HEATR5A: variants seen among roughly 807,000 people sequenced by gnomAD.
The protein encoded by HEATR5A is HEAT repeat-containing protein 5A.
Under a neutral mutation model 218.8 loss-of-function variants are expected in HEATR5A, and 178 were observed. That is an observed-to-expected ratio of 0.81 (90% CI 0.72 to 0.92). The LOEUF (loss-of-function observed/expected upper bound fraction) is 0.92. Among genes scored for constraint, HEATR5A ranks in the 40% least tolerant of loss-of-function variants. HEATR5A has a pLI of 0.00. For synonymous variants in HEATR5A, 864 were observed against 871.6 expected (o/e 0.99, Z 0.15); for missense variants, 2,420 against 2,418.9 (o/e 1.00, Z -0.01).
At chr14:31,365,078 T>C (rs996645444) in intron 13 of HEATR5A, among the ~76,000 whole-genome samples, 4 of 151,060 alleles carry the variant, frequency 2.6e-5, no homozygotes, top group African/African-American at 7.3e-5. Flanking sequence ...TTTTACCATA[T>C]TGGCCAGGGT....
In HEATR5A at chr14:31,394,245, A is replaced by T; in HGVS notation, c.598-19T>A. The T allele has an allele frequency of 7.1e-7, 1 of 1,414,192 alleles. No individual in the cohort carries two copies. Among genetic ancestry groups the T allele is most frequent in the East Asian group, 2.6e-5 (1 of 38,070 alleles). 87.6% of individuals were successfully genotyped at this position (1,414,192 alleles called of 1,614,324 possible). On this transcript the variant is annotated intron_variant, in intron 5 of 35. Transcript: ENST00000543095. ...GGAGACACTATTCAATTGGACAAAG[A>T]GAAATTAATGAAAAATAAAATACAA... is the stretch of plus-strand genomic sequence containing the variant.
Position 31,347,892 on chromosome 14 carries a change from C to T in HEATR5A, c.2724G>A (p.Arg908=). 4.0e-6 allele frequency: 6 copies of T among 1,512,976 alleles called. No individual in the cohort carries two copies. The highest frequency in any genetic ancestry group is 5.3e-6 in the Non-Finnish European group (6 of 1,134,222). 93.7% of individuals were successfully genotyped at this position (1,512,976 alleles called of 1,614,324 possible). Residue 908 remains arginine (R), a synonymous_variant, in exon 19 of 36, where the codon AGG becomes AGA. Transcript: ENST00000543095. ...QVSFDKLKSA[R]DVVTRTGHSL... ...AGTGTCCTGTTCTGGTAACCACATC[C>T]CTTGCTGATTTCAATCTGTAAATAT...
chr14:31,370,631 G>T (rs927317495), intron 13 of HEATR5A, among the ~76,000 whole-genome samples: 1 of 152,126 alleles, frequency 6.6e-6, no homozygotes, highest in Admixed American at 6.6e-5. Context: ...AGTACAAATG[G>T]TCACATTATT....
intron 1 of HEATR5A, among the ~76,000 whole-genome samples, chr14:31,408,459 T>G (rs1049484628): frequency 1.3e-5 from 2 of 152,186 alleles, no homozygotes; most frequent in Non-Finnish European, 2.9e-5. Context: ...ATAATGCCTT[T>G]CTAGATGTCC....
intron 10 of HEATR5A, among the ~76,000 whole-genome samples, chr14:31,383,073 T>C (rs544437136): frequency 6.6e-6 from 1 of 152,162 alleles, no homozygotes; most frequent in South Asian, 2.1e-4. Context: ...ATCATTGCTT[T>C]TAGGCCTTTT....
At position 31,358,540 on chromosome 14, in the gene HEATR5A, T is replaced by C. The variant is rs538792876; in HGVS notation, c.2411+97A>G. ...CTTATATTTCACCTTCACCTGTTATTTATAAGAAATCATTTACGCTAATGA... is the reference window on the plus strand; with the variant it reads ...CTTATATTTCACCTTCACCTGTTATCTATAAGAAATCATTTACGCTAATGA... On this transcript the variant is annotated intron_variant, in intron 16 of 35. Coordinates refer to ENST00000543095, the MANE Select transcript of HEATR5A (RefSeq NM_015473.4). 1,394 of 1,082,516 alleles carry C rather than the reference T, an allele frequency of 1.3e-3. 1 individual carries two copies. The highest frequency in any genetic ancestry group is 5.7e-3 in the Middle Eastern group (27 of 4,726). The allele number at this position is 1,082,516 out of a possible 1,614,324, so 67.1% of individuals were successfully genotyped here.
At chr14:31,414,160 T>C (rs979656745) in intron 1 of HEATR5A, among the ~76,000 whole-genome samples, 4 of 152,220 alleles carry the variant, frequency 2.6e-5, no homozygotes, top group African/African-American at 7.2e-5. Context: ...TTCTGGACCT[T>C]TAGGAATGCC....
chr14:31,369,383 C>A (rs1901932598), intron 13 of HEATR5A, among the ~76,000 whole-genome samples: 1 of 151,660 alleles, frequency 6.6e-6, no homozygotes, highest in African/African-American at 2.4e-5. Context: ...GAGGCTGAGG[C>A]CGGCAGATCA....
rs55998911 is a variant in HEATR5A, at chr14:31,339,449, C to CAA, written c.3229-1837_3229-1836dup. Among the ~76,000 whole-genome samples the CAA allele has an allele frequency of 2.5e-3, 165 of 67,316 alleles. 2 individuals carry two copies. Among genetic ancestry groups the CAA allele is most frequent in the East Asian group, 0.013 (27 of 2,094 alleles). The allele number at this position is 67,316 out of a possible 152,430, so 44.2% of individuals were successfully genotyped here. On this transcript the variant is annotated intron_variant, in intron 21 of 35. Coordinates refer to ENST00000543095, the MANE Select transcript of HEATR5A (RefSeq NM_015473.4). ...TGGGTGACAGAGTGAAACTGTGTCT[C>CAA]AAAAAAAAAAAAAAAAAAAAAAAAA...
chr14:31,397,658 C>CA (rs537734132), intron 4 of HEATR5A, among the ~76,000 whole-genome samples: 2,667 of 75,546 alleles, frequency 0.035, 60 homozygotes, highest in East Asian at 0.11. Flanking sequence ...GACTCCGTCT[C>CA]AAAAAAAAAA....
intron 14 of HEATR5A, among the ~76,000 whole-genome samples, chr14:31,363,885 T>C (rs761782249): frequency 3.9e-5 from 6 of 151,942 alleles, no homozygotes; most frequent in Non-Finnish European, 8.8e-5. Context: ...GAGGCTGAGG[T>C]TGGAGGGTCA....
At position 31,293,311 on chromosome 14, in the gene HEATR5A, G is replaced by T. The variant is rs1227265548; in HGVS notation, c.6135C>A (p.Phe2045Leu). Residue 2045 changes from phenylalanine to leucine, a missense_variant, in exon 36 of 36, where the codon TTC becomes TTA. Transcript: ENST00000543095. The stretch of plus-strand genomic sequence containing the variant: ...TACTATTCCAAAAAAAAAATCAGAG[G>T]AAACTGGTCTTTAATTGGATGCTTG... ...KNSSIQLKTS[F>L]L The T allele has an allele frequency of 6.3e-7, 1 of 1,578,780 alleles. No homozygotes were observed. Among genetic ancestry groups the T allele is most frequent in the Non-Finnish European group, 8.6e-7 (1 of 1,168,266 alleles).
intron 22 of HEATR5A, among the ~76,000 whole-genome samples, chr14:31,336,431 C>T (rs560582682): frequency 6.6e-6 from 1 of 151,558 alleles, no homozygotes; most frequent in Admixed American, 6.6e-5. Context: ...TAAAACAGTC[C>T]TCTCGCCTTA....
At chr14:31,368,219 G>C (rs1488599472) in intron 13 of HEATR5A, among the ~76,000 whole-genome samples, 1 of 152,030 alleles carries the variant, frequency 6.6e-6, no homozygotes, top group African/African-American at 2.4e-5. Context: ...AAGGCACAGA[G>C]TTCCTCCCCT....
At chr14:31,389,081 A>G (rs1213900570) in intron 6 of HEATR5A, 76 bp from the exon 7 acceptor site, 16 of 1,297,444 alleles carry the variant, frequency 1.2e-5, no homozygotes, top group Non-Finnish European at 1.5e-5. Flanking sequence ...TGCAAAAAGC[A>G]TGTTAATAGA....
intron 1 of HEATR5A, among the ~76,000 whole-genome samples, chr14:31,409,267 T>G (rs1029211644): frequency 1.3e-5 from 2 of 150,330 alleles, no homozygotes; most frequent in African/African-American, 4.9e-5. Flanking sequence ...AGGCTGGTCT[T>G]GAACTCCTGA....
At chr14:31,326,836 G>C (rs1437944877) in intron 22 of HEATR5A, among the ~76,000 whole-genome samples, 1 of 151,684 alleles carries the variant, frequency 6.6e-6, no homozygotes, top group Non-Finnish European at 1.5e-5. Flanking sequence ...GTAGAGATGG[G>C]GTTTCACTAC....
At chr14:31,354,065 C>T (rs1420345259) in intron 16 of HEATR5A, among the ~76,000 whole-genome samples, 1 of 151,862 alleles carries the variant, frequency 6.6e-6, no homozygotes, top group African/African-American at 2.4e-5. Flanking sequence ...TCCCAAAGTG[C>T]TGGGATTACA....
At chr14:31,383,857 GATATAAA>G in intron 9 of HEATR5A, 86 bp from the exon 10 acceptor site, 2 of 954,050 alleles carry the variant, frequency 2.1e-6, no homozygotes, top group Non-Finnish European at 3.0e-6. Flanking sequence ...TAGCCACATG[GATATAAA>G]ATATATTTTT....
Sources: gnomAD v4.1 joint callset for allele counts (sites outside exome capture counted in the v4.1 genomes callset) on GRCh38, gnomAD v4.1.1 for gene constraint, MANE v1.5 for transcripts, NCBI Gene and HGNC (gene_info 2026-07-23, HGNC 2026-07-21) for gene names.